Variants in AK9 observed in about 807,000 individuals in gnomAD.
AK9 encodes the protein adenylate kinase 9.
AK9 carries 191 observed loss-of-function variants against 239.6 expected under a neutral mutation model. The ratio of observed to expected loss-of-function variants is 0.80; its 90% CI spans 0.71 to 0.90. The LOEUF (loss-of-function observed/expected upper bound fraction) is 0.90, where lower values mean the gene tolerates loss of function less well. AK9 is among the 40% of genes least tolerant of loss of function. AK9 has a pLI of 0.00. For synonymous variants in AK9, 689 were observed against 721.0 expected (o/e 0.96, Z 0.71); for missense variants, 1,995 against 2,214.7 (o/e 0.90, Z 1.99).
At position 109,621,249 on chromosome 6, in the gene AK9, C is replaced by A. The variant is rs532832323; in HGVS notation, c.1255-2013G>T. 3.1e-4 allele frequency among the ~76,000 whole-genome samples: 29 copies of A among 94,864 alleles called. 1 individual carries two copies. The highest frequency in any genetic ancestry group is 1.1e-3 in the African/African-American group (27 of 23,882). The allele number at this position is 94,864 out of a possible 152,430, so 62.2% of individuals were successfully genotyped here. On this transcript the variant is annotated intron_variant, in intron 12 of 40. Coordinates refer to ENST00000424296, the MANE Select transcript of AK9 (RefSeq NM_001145128.3). Reference sequence around the variant, plus strand: ...TTAAAAAGTCAGGAAACAACAGGTGCTGGAGAGGATGTGGAGAAATAGGAA... The same window carrying A: ...TTAAAAAGTCAGGAAACAACAGGTGATGGAGAGGATGTGGAGAAATAGGAA...
At chr6:109,602,087 T>C (rs1448696633) in intron 17 of AK9, among the ~76,000 whole-genome samples, 1 of 152,232 alleles carries the variant, frequency 6.6e-6, no homozygotes, top group Non-Finnish European at 1.5e-5. Context: ...TTAAGGTTAA[T>C]ATTGTTATGT....
chr6:109,560,469 C>T (rs1219890158), intron 24 of AK9, among the ~76,000 whole-genome samples: 1 of 151,892 alleles, frequency 6.6e-6, no homozygotes, highest in Non-Finnish European at 1.5e-5. Flanking sequence ...TTTTTTCTTA[C>T]CAGTAATAGA....
chr6:109,533,405 C>A lies in AK9; in HGVS notation c.3416G>T (p.Arg1139Leu). ...AACAGCTGCATCTGGGAAAAATCCA[C>A]GATCTCCCAAAAACTGGGCCTCTTC... ...YPEEAQFLGD[R>L]GFFPDAAVFI... Residue 1139 changes from arginine (R) to leucine (L), a missense_variant, in exon 28 of 41, where the codon CGT (arginine) becomes CTT (leucine). By Grantham distance (102) the Arg-to-Leu change is moderately radical. Around this residue, in one of 5 missense-constraint regions of AK9, gnomAD observed 1,290 missense variants for 1,392.7 expected, o/e 0.93. Coordinates refer to ENST00000424296, the MANE Select transcript of AK9 (RefSeq NM_001145128.3). 6.2e-7 allele frequency: 1 copy of A among 1,609,882 alleles called. No homozygotes were observed. The highest frequency in any genetic ancestry group is 8.5e-7 in the Non-Finnish European group (1 of 1,178,096).
At chr6:109,680,751 G>A (rs1772496179) in intron 1 of AK9, among the ~76,000 whole-genome samples, 2 of 152,152 alleles carry the variant, frequency 1.3e-5, no homozygotes, top group Non-Finnish European at 2.9e-5. Flanking sequence ...ACTAACAGTG[G>A]ATCTCTGCAG....
intron 6 of AK9, among the ~76,000 whole-genome samples, chr6:109,660,120 A>C (rs980939099): frequency 6.6e-6 from 1 of 152,204 alleles, no homozygotes; most frequent in Non-Finnish European, 1.5e-5. Context: ...TGGCAGACTA[A>C]GAAACCAATC....
intron 10 of AK9, among the ~76,000 whole-genome samples, chr6:109,640,476 C>A (rs1329177982): frequency 1.3e-5 from 2 of 152,144 alleles, no homozygotes; most frequent in Non-Finnish European, 2.9e-5. Context: ...GAACCAGGTA[C>A]CTCAGTTGGA....
chr6:109,659,515 C>T, intron 6 of AK9, 102 bp from the exon 7 acceptor site: 1 of 1,360,328 alleles, frequency 7.4e-7, no homozygotes. Context: ...CCAAAAAATT[C>T]CTTTAAAACC....
chr6:109,574,289 G>A (rs772626780), intron 20 of AK9, among the ~76,000 whole-genome samples: 50 of 152,098 alleles, frequency 3.3e-4, no homozygotes, highest in Non-Finnish European at 5.3e-4. Context: ...CAGGAGAATC[G>A]CTTGAACCCA....
At chr6:109,665,097 A>G (rs1437959560) in intron 5 of AK9, among the ~76,000 whole-genome samples, 1 of 152,154 alleles carries the variant, frequency 6.6e-6, no homozygotes, top group East Asian at 1.9e-4. Flanking sequence ...AACCTAATTA[A>G]ATGCTTAGGC....
chr6:109,657,943 C>T (rs1171683579), intron 7 of AK9, among the ~76,000 whole-genome samples: 3 of 152,096 alleles, frequency 2.0e-5, no homozygotes, highest in African/African-American at 7.2e-5. Flanking sequence ...TATCAATGTA[C>T]ACACATACAT....
chr6:109,637,047 T>A (rs911011665), intron 10 of AK9, among the ~76,000 whole-genome samples: 4 of 152,190 alleles, frequency 2.6e-5, no homozygotes, highest in African/African-American at 7.2e-5. Flanking sequence ...TCATTTCTCC[T>A]CATCAACATT....
intron 25 of AK9, among the ~76,000 whole-genome samples, chr6:109,547,143 CTTCT>C (rs1201753384): frequency 6.6e-6 from 1 of 152,128 alleles, no homozygotes; most frequent in Non-Finnish European, 1.5e-5. Flanking sequence ...TGGATTGGGG[CTTCT>C]TTGTGAGGGC....
At chr6:109,643,902 A>T (rs372302647) in intron 9 of AK9, among the ~76,000 whole-genome samples, 2 of 152,278 alleles carry the variant, frequency 1.3e-5, no homozygotes, top group South Asian at 2.1e-4. Context: ...CTGGTCCTTT[A>T]AGTTTCTATT....
chr6:109,554,783 T>C (rs896547100), intron 24 of AK9, among the ~76,000 whole-genome samples: 7 of 152,094 alleles, frequency 4.6e-5, no homozygotes, highest in Non-Finnish European at 1.0e-4. Context: ...CTGCCCGCCT[T>C]GGCCTTCCAA....
rs771140352 is a variant in AK9 at position 109,632,915 on chromosome 6, T to C, written c.1254+8A>G. 140 of 1,571,386 alleles carry C rather than the reference T, an allele frequency of 8.9e-5. No homozygotes were observed. The South Asian group carries it at 1.4e-3, about 16-fold the overall frequency. The stretch of plus-strand genomic sequence containing the variant: ...GATAGATAGATAGACAGATAGTTAG[T>C]TAGTCACCTTTCCTTTGTAATTTTC... On this transcript the variant is annotated splice_region_variant and intron_variant, in intron 12 of 40. Coordinates refer to ENST00000424296, the MANE Select transcript of AK9 (RefSeq NM_001145128.3).
intron 8 of AK9, among the ~76,000 whole-genome samples, chr6:109,651,486 A>C (rs1412946198): frequency 1.3e-5 from 2 of 152,150 alleles, no homozygotes; most frequent in Non-Finnish European, 2.9e-5. Context: ...AAAATCGACA[A>C]CCTAACATCA....
rs947880061 is a variant in AK9, at chr6:109,658,230, C to T, written c.630+998G>A. On this transcript the variant is annotated intron_variant, in intron 7 of 40. Transcript: ENST00000424296. ...ATACATTTCAAAGTGGCTCAATACACGTCTTTTCCAAAAGAAGCTACCATT... is the reference window on the plus strand; with the variant it reads ...ATACATTTCAAAGTGGCTCAATACATGTCTTTTCCAAAAGAAGCTACCATT... Among the ~76,000 whole-genome samples, 7 of 152,104 alleles carry T rather than the reference C, an allele frequency of 4.6e-5. No individual in the cohort carries two copies. In the East Asian group the frequency reaches 7.7e-4, roughly 17 times the overall value.
chr6:109,503,489 A>G (rs529168518), intron 35 of AK9, among the ~76,000 whole-genome samples: 178 of 152,316 alleles, frequency 1.2e-3, no homozygotes, highest in Non-Finnish European at 2.1e-3. Flanking sequence ...GCCTTGTACC[A>G]TCTCACTGAT....
chr6:109,685,476 A>G (rs1205122897), intron 1 of AK9, among the ~76,000 whole-genome samples: 1 of 152,158 alleles, frequency 6.6e-6, no homozygotes, highest in Non-Finnish European at 1.5e-5. Context: ...AACTATCACA[A>G]GAACAGAAAA....
Sources: gnomAD v4.1 joint callset for allele counts (sites outside exome capture counted in the v4.1 genomes callset) on GRCh38, gnomAD v4.1.1 for gene constraint, gnomAD v4.1.1 regional missense constraint, MANE v1.5 for transcripts, NCBI Gene and HGNC (gene_info 2026-07-23, HGNC 2026-07-21) for gene names.